The following RBFOX1 variants were observed in gnomAD, a reference collection of about 807,000 sequenced individuals.
RBFOX1 encodes the protein RNA binding fox-1 homolog 1.
RBFOX1 carries 8 observed loss-of-function variants against 57.7 expected under a neutral mutation model. The observed-to-expected ratio is 0.14, with a 90% CI of 0.08 to 0.25. RBFOX1 has a LOEUF of 0.25. Ranked by LOEUF, RBFOX1 falls within the 10% of genes least tolerant of loss-of-function variation. The probability of loss-of-function intolerance (pLI) is 1.00; values close to 1 mark genes in which losing one functional copy is unlikely to be tolerated. For synonymous variants in RBFOX1, 326 were observed against 222.4 expected, an observed-to-expected ratio of 1.47 and a Z score of -4.15; for missense variants, 611 against 548.5, an observed-to-expected ratio of 1.11 and a Z score of -1.14.
intron 3 of RBFOX1, among the ~76,000 whole-genome samples, chr16:5,848,986 A>G (rs77259360): frequency 2.6e-5 from 4 of 151,546 alleles, no homozygotes; most frequent in Non-Finnish European, 5.9e-5. Flanking sequence ...ACAAAAAAAA[A>G]CAGAAAAGTA....
chr16:5,715,645 G>C (rs1482382002), intron 3 of RBFOX1, among the ~76,000 whole-genome samples: 1 of 152,182 alleles, frequency 6.6e-6, no homozygotes, highest in African/African-American at 2.4e-5. Context: ...TCTCTTCTAG[G>C]TCAAGGCATG....
intron 3 of RBFOX1, among the ~76,000 whole-genome samples, chr16:5,787,628 G>C (rs977209885): frequency 6.6e-6 from 1 of 152,232 alleles, no homozygotes; most frequent in Non-Finnish European, 1.5e-5. Flanking sequence ...ATGTGAATGA[G>C]AGCTTTGTAG....
At chr16:6,865,143 C>T (rs181099345) in intron 3 of RBFOX1, among the ~76,000 whole-genome samples, 1 of 151,606 alleles carries the variant, frequency 6.6e-6, no homozygotes, top group Non-Finnish European at 1.5e-5. Context: ...GCTGGGATTA[C>T]AGGTGCCCAC....
intron 1 of RBFOX1, among the ~76,000 whole-genome samples, chr16:6,026,165 A>T (rs962438305): frequency 2.6e-5 from 4 of 152,068 alleles, no homozygotes; most frequent in African/African-American, 4.8e-5. Context: ...CTTATATTTT[A>T]TTGAGTGACT....
chr16:6,188,677 A>G (rs1016899823), intron 1 of RBFOX1, among the ~76,000 whole-genome samples: 1 of 152,194 alleles, frequency 6.6e-6, no homozygotes, highest in Non-Finnish European at 1.5e-5. Flanking sequence ...TGTGAATGAA[A>G]AAATCTTGGA....
intron 3 of RBFOX1, among the ~76,000 whole-genome samples, chr16:6,680,552 C>T (rs764878591): frequency 5.9e-5 from 9 of 152,106 alleles, no homozygotes; most frequent in East Asian, 1.9e-4. Context: ...CGTAAGCCAC[C>T]GCGTCCGGCC....
intron 1 of RBFOX1, among the ~76,000 whole-genome samples, chr16:5,339,715 G>A (rs1241786282): frequency 1.3e-5 from 2 of 151,936 alleles, no homozygotes; most frequent in Non-Finnish European, 2.9e-5. Flanking sequence ...CTGAACTCAG[G>A]TGATCCACCT....
intron 1 of RBFOX1, among the ~76,000 whole-genome samples, chr16:6,264,958 G>C (rs962221171): frequency 5.9e-5 from 9 of 152,182 alleles, no homozygotes; most frequent in Non-Finnish European, 1.3e-4. Context: ...TGTGGGAACC[G>C]ACTCTGATAA....
intron 5 of RBFOX1, among the ~76,000 whole-genome samples, chr16:7,522,292 C>G (rs758067374): frequency 3.9e-5 from 6 of 152,082 alleles, no homozygotes; most frequent in Admixed American, 1.3e-4. Flanking sequence ...AAGACAAGGA[C>G]AGAACATTGG....
intron 4 of RBFOX1, among the ~76,000 whole-genome samples, chr16:7,337,683 T>A: frequency 6.6e-6 from 1 of 152,112 alleles, no homozygotes; most frequent in East Asian, 1.9e-4. Context: ...TTTGTTTTTG[T>A]TTGTTTGTTT....
intron 4 of RBFOX1, among the ~76,000 whole-genome samples, chr16:5,902,796 T>C (rs1355131827): frequency 6.6e-6 from 1 of 152,176 alleles, no homozygotes. Flanking sequence ...AAGCGCCTTG[T>C]CTGGCCTGTA....
At chr16:6,151,655 G>A (rs1172648025) in intron 1 of RBFOX1, among the ~76,000 whole-genome samples, 7 of 152,270 alleles carry the variant, frequency 4.6e-5, no homozygotes, top group Non-Finnish European at 7.4e-5. Flanking sequence ...TATCACAATC[G>A]TAATTGAAAC....
chr16:6,551,365 A>G (rs981969617), intron 2 of RBFOX1, among the ~76,000 whole-genome samples: 4 of 152,166 alleles, frequency 2.6e-5, no homozygotes, highest in African/African-American at 9.7e-5. Context: ...GTTATTCAAC[A>G]ACTGTGTGCC....
At chr16:5,885,198 C>T (rs536910560) in intron 4 of RBFOX1, among the ~76,000 whole-genome samples, 28 of 152,082 alleles carry the variant, frequency 1.8e-4, no homozygotes, top group African/African-American at 6.7e-4. Flanking sequence ...TCAGGTTTCT[C>T]AGCGCCTCCT....
chr16:7,705,445 C>G (rs1317147327), intron 14 of RBFOX1, among the ~76,000 whole-genome samples: 1 of 151,544 alleles, frequency 6.6e-6, no homozygotes, highest in Non-Finnish European at 1.5e-5. Flanking sequence ...ACGGAGCTTG[C>G]AGTGAGCCAA....
At chr16:7,088,117 A>G (rs2060261670) in intron 4 of RBFOX1, among the ~76,000 whole-genome samples, 1 of 152,186 alleles carries the variant, frequency 6.6e-6, no homozygotes. Flanking sequence ...GCAAAAAGGA[A>G]TGACAAAAAA....
At chr16:7,088,439 A>G (rs1026736970) in intron 4 of RBFOX1, among the ~76,000 whole-genome samples, 1 of 152,114 alleles carries the variant, frequency 6.6e-6, no homozygotes, top group Admixed American at 6.5e-5. Flanking sequence ...GTGTGTCCGT[A>G]TGTGTGTATG....
intron 2 of RBFOX1, among the ~76,000 whole-genome samples, chr16:6,567,383 GGT>G (rs879735028): frequency 1.3e-5 from 2 of 152,152 alleles, no homozygotes; most frequent in African/African-American, 2.4e-5. Flanking sequence ...GAGTAGCTCA[GGT>G]TCGTTTGGTC....
chr16:7,191,333 A>G (rs1364149296), intron 4 of RBFOX1, among the ~76,000 whole-genome samples: 1 of 110,614 alleles, frequency 9.0e-6, no homozygotes, highest in African/African-American at 3.5e-5. Flanking sequence ...GTTGCTGACA[A>G]AAAAAGAAAA....
Sources: gnomAD v4.1 joint callset for allele counts (sites outside exome capture counted in the v4.1 genomes callset) on GRCh38, gnomAD v4.1.1 for gene constraint, MANE v1.5 for transcripts, NCBI Gene and HGNC (gene_info 2026-07-23, HGNC 2026-07-21) for gene names.